Variants in MAST2 observed in about 807,000 individuals in gnomAD.
MAST2 encodes microtubule associated serine/threonine kinase 2, also known as microtubule-associated serine/threonine-protein kinase 2.
A neutral mutation model predicts 147.4 loss-of-function variants in MAST2; 70 were observed. The observed-to-expected ratio is 0.47, with a 90% CI of 0.39 to 0.58. The LOEUF (loss-of-function observed/expected upper bound fraction) is 0.58. Ranked by LOEUF, MAST2 falls within the 20% of genes least tolerant of loss-of-function variation. The pLI is 0.00. For synonymous variants in MAST2, 869 were observed against 896.8 expected (o/e 0.97, Z 0.55); for missense variants, 2,080 against 2,302.3 (o/e 0.90, Z 1.98).
chr1:45,815,742 T>C (rs1265302018), intron 1 of MAST2, among the ~76,000 whole-genome samples: 3 of 152,148 alleles, frequency 2.0e-5, no homozygotes, highest in African/African-American at 4.8e-5. Context: ...GGTGCTTCCA[T>C]TTTCTACACA....
chr1:45,955,576 C>CG (rs1177579699), intron 4 of MAST2, among the ~76,000 whole-genome samples: 1 of 151,890 alleles, frequency 6.6e-6, no homozygotes, highest in African/African-American at 2.4e-5. Flanking sequence ...ATAGAATGAT[C>CG]GGGGAAAATT....
intron 5 of MAST2, among the ~76,000 whole-genome samples, chr1:45,964,332 G>A (rs1464414369): frequency 1.3e-5 from 2 of 152,080 alleles, no homozygotes; most frequent in African/African-American, 2.4e-5. Flanking sequence ...TTCAGCTGTG[G>A]ATCCATCTGG....
At chr1:45,888,663 C>CTTTTTTTTTTTTTTTTTTTTTTTTTTTT (rs71587722) in intron 4 of MAST2, among the ~76,000 whole-genome samples, 4 of 48,726 alleles carry the variant, frequency 8.2e-5, no homozygotes, top group African/African-American at 1.6e-4. Flanking sequence ...CGCGCGGCCT[C>CTTTTTTTTTTTTTTTTTTTTTTTTTTTT]TTTTTTTTTT....
chr1:45,870,950 C>T (rs961090488), intron 3 of MAST2, among the ~76,000 whole-genome samples: 5 of 151,800 alleles, frequency 3.3e-5, no homozygotes, highest in Non-Finnish European at 7.4e-5. Context: ...ATAACAACAA[C>T]AAAAATTCAT....
At chr1:45,846,433 CTGAAATTTAGA>C (rs1277206531) in intron 3 of MAST2, among the ~76,000 whole-genome samples, 1 of 152,086 alleles carries the variant, frequency 6.6e-6, no homozygotes, top group Non-Finnish European at 1.5e-5. Flanking sequence ...TCCCCCCGGC[CTGAAATTTAGA>C]TGAAAAAGAT....
At chr1:46,033,707 C>G in intron 26 of MAST2, 95 bp from the exon 27 acceptor site, 1 of 1,481,226 alleles carries the variant, frequency 6.8e-7, no homozygotes, top group Non-Finnish European at 9.2e-7. Flanking sequence ...AAAGCTGGAG[C>G]TGTGGTATAG....
At chr1:45,871,405 A>G (rs557848240) in intron 3 of MAST2, among the ~76,000 whole-genome samples, 7 of 152,218 alleles carry the variant, frequency 4.6e-5, no homozygotes, top group Admixed American at 1.3e-4. Context: ...GAAACAGGCC[A>G]GTTTAAAAAA....
At chr1:46,009,774 C>G (rs1014582693) in intron 9 of MAST2, among the ~76,000 whole-genome samples, 1 of 152,140 alleles carries the variant, frequency 6.6e-6, no homozygotes, top group Non-Finnish European at 1.5e-5. Flanking sequence ...CTTTTTCACC[C>G]TCTTCCTCTT....
In MAST2 at chr1:45,829,493, C is replaced by T. The variant is rs780629973; in HGVS notation, c.380C>T (p.Thr127Ile). 8.7e-6 allele frequency: 14 copies of T among 1,614,190 alleles called. No homozygotes were observed. The South Asian group carries it at 1.5e-4, about 18-fold the overall frequency. Residue 127 changes from threonine (T) to isoleucine (I), a missense_variant, in exon 3 of 29, where the codon ACT becomes ATT. Thr to Ile is a moderately conservative substitution (Grantham distance 89, BLOSUM62 -1). Around this residue, in one of 4 missense-constraint regions of MAST2, gnomAD observed 569 missense variants for 642.5 expected, o/e 0.89. Coordinates refer to ENST00000361297, the MANE Select transcript of MAST2 (RefSeq NM_015112.3). ...GTACATAGCAGTGTGGGACAGGTGA[C>T]TTGGCAGTCGTCAGGAGAAGCATCA... Reference protein sequence around the residue: ...SSVHSSVGQVTWQSSGEASNL... With the variant: ...SSVHSSVGQVIWQSSGEASNL...
At chr1:45,866,027 T>C (rs545029056) in intron 3 of MAST2, among the ~76,000 whole-genome samples, 1 of 152,358 alleles carries the variant, frequency 6.6e-6, no homozygotes, top group South Asian at 2.1e-4. Flanking sequence ...GCACTTTTTT[T>C]GTACAAAATA....
chr1:45,966,753 C>G (rs1661274020), intron 5 of MAST2, among the ~76,000 whole-genome samples: 1 of 151,896 alleles, frequency 6.6e-6, no homozygotes, highest in African/African-American at 2.4e-5. Flanking sequence ...CCCAGGCCGC[C>G]TTCCAAAGGG....
At chr1:45,963,974 CAT>C (rs1280771142) in intron 5 of MAST2, among the ~76,000 whole-genome samples, 1 of 152,156 alleles carries the variant, frequency 6.6e-6, no homozygotes, top group East Asian at 1.9e-4. Flanking sequence ...TTGAGATAAT[CAT>C]GTGGTTTTTG....
At chr1:46,030,825 G>T in intron 22 of MAST2, 64 bp downstream of exon 22, 1 of 1,496,060 alleles carries the variant, frequency 6.7e-7, no homozygotes. Flanking sequence ...ACAGATCATG[G>T]GAGAGATTCC....
intron 6 of MAST2, among the ~76,000 whole-genome samples, chr1:45,998,324 T>G (rs528745604): frequency 2.9e-4 from 44 of 152,332 alleles, no homozygotes; most frequent in African/African-American, 9.9e-4. Flanking sequence ...TTCTATGAAT[T>G]TAGAAAGATT....
chr1:46,028,694 C>T, intron 17 of MAST2, 74 bp from the exon 18 acceptor site: 2 of 1,472,912 alleles, frequency 1.4e-6, no homozygotes, highest in South Asian at 1.2e-5. Context: ...GAGATGGGAG[C>T]ATCCCCCATC....
At chr1:45,964,459 C>T (rs985558714) in intron 5 of MAST2, among the ~76,000 whole-genome samples, 1 of 152,052 alleles carries the variant, frequency 6.6e-6, no homozygotes, top group African/African-American at 2.4e-5. Context: ...GGGTATGTGT[C>T]GAGGAATTTA....
At chr1:46,011,989 T>C (rs1439785520) in intron 10 of MAST2, among the ~76,000 whole-genome samples, 2 of 152,370 alleles carry the variant, frequency 1.3e-5, no homozygotes, top group African/African-American at 4.8e-5. Context: ...GTGAGAAAGG[T>C]TTTGATTTAA....
At position 45,997,743 on chromosome 1, in the gene MAST2, C is replaced by T. The variant is rs759695493; in HGVS notation, c.612C>T (p.Ser204=). 4 of 1,614,024 alleles carry T rather than the reference C, an allele frequency of 2.5e-6. No individual in the cohort carries two copies. Among genetic ancestry groups the T allele is most frequent in the Non-Finnish European group, 3.4e-6 (4 of 1,179,906 alleles). ...HGHTGNSPLD[S]PRNFSPNAPA... ...CCACAGGTAACAGTCCTTTGGACAG[C>T]CCCCGGAATTTCTCTCCAAATGCAC... Residue 204 remains serine, a synonymous_variant, in exon 6 of 29, where the codon AGC becomes AGT. Transcript: ENST00000361297.
intron 5 of MAST2, among the ~76,000 whole-genome samples, chr1:45,988,088 C>T (rs1007114061): frequency 6.6e-6 from 1 of 152,148 alleles, no homozygotes; most frequent in Non-Finnish European, 1.5e-5. Context: ...TCATAGCTTA[C>T]TGCAGCCTCG....
Sources: allele counts gnomAD v4.1 joint callset (sites outside exome capture counted in the v4.1 genomes callset), GRCh38; gene constraint gnomAD v4.1.1; regional missense constraint gnomAD v4.1.1; transcripts MANE v1.5; gene names NCBI Gene and HGNC (gene_info 2026-07-23, HGNC 2026-07-21).